The following AOX1 variants were observed in gnomAD, a reference collection of about 807,000 sequenced individuals.
The protein encoded by AOX1 is aldehyde oxidase 1.
Under a neutral mutation model 169.5 loss-of-function variants are expected in AOX1, and 153 were observed. The ratio of observed to expected loss-of-function variants is 0.90; its 90% confidence interval spans 0.79 to 1.03. The LOEUF (loss-of-function observed/expected upper bound fraction) is 1.03. Ranked by LOEUF, AOX1 falls within the 50% of genes least tolerant of loss-of-function variation. The pLI is 0.00. For synonymous variants in AOX1, 562 were observed against 581.9 expected, an observed-to-expected ratio of 0.97 and a Z score of 0.49; for missense variants, 1,656 against 1,663.9, an observed-to-expected ratio of 1.00 and a Z score of 0.08.
rs181411226 is a variant in AOX1 at position 200,643,324 on chromosome 2, T to C, written c.2847+523T>C. 7.9e-4 allele frequency among the ~76,000 whole-genome samples: 119 copies of C among 151,522 alleles called. 2 individuals carry two copies. Among genetic ancestry groups the C allele is most frequent in the Non-Finnish European group, 4.3e-4 (29 of 67,906 alleles). On this transcript the variant is annotated intron_variant, in intron 25 of 34. Transcript: ENST00000374700. ...GAATTGTGAGATTTTGGTGCACCCA[T>C]CACCCGATGGGTGTATGTATATACA...
chr2:200,665,268 A>G (rs2035904467), intron 31 of AOX1, among the ~76,000 whole-genome samples: 1 of 152,218 alleles, frequency 6.6e-6, no homozygotes, highest in Non-Finnish European at 1.5e-5. Flanking sequence ...CTGGTCAAAC[A>G]GGCTGGCCTG....
At chr2:200,662,045 G>T (rs1240679968) in intron 30 of AOX1, among the ~76,000 whole-genome samples, 1 of 152,186 alleles carries the variant, frequency 6.6e-6, no homozygotes, top group East Asian at 1.9e-4. Context: ...TGGCAAAAAA[G>T]AAATTGGACC....
intron 18 of AOX1, among the ~76,000 whole-genome samples, chr2:200,623,562 A>T (rs1451528047): frequency 6.6e-6 from 1 of 152,212 alleles, no homozygotes; most frequent in Non-Finnish European, 1.5e-5. Flanking sequence ...ACATCAAGCC[A>T]TGGGACAGGC....
At chr2:200,603,988 CAG>C (rs1364971016) in intron 7 of AOX1, 27 bp from the exon 8 acceptor site, 11 of 1,457,794 alleles carry the variant, frequency 7.5e-6, no homozygotes, top group Middle Eastern at 3.5e-4. Context: ...TGCTCGATAA[CAG>C]TAATTTCTGA....
chr2:200,651,887 C>A (rs962272009), intron 26 of AOX1, among the ~76,000 whole-genome samples: 1 of 152,144 alleles, frequency 6.6e-6, no homozygotes, highest in Non-Finnish European at 1.5e-5. Context: ...TGGTGAAGGA[C>A]TGCAACATTC....
intron 20 of AOX1, among the ~76,000 whole-genome samples, chr2:200,629,753 C>G (rs2035077019): frequency 6.6e-6 from 1 of 152,164 alleles, no homozygotes; most frequent in Admixed American, 6.5e-5. Flanking sequence ...TTCCTTGTTT[C>G]ATGTTTGTTT....
At chr2:200,681,463 C>T (rs548981042), downstream of AOX1, 3 of 152,676 alleles carry the variant, frequency 2.0e-5, no homozygotes, top group South Asian at 6.2e-4. Context: ...GAACTCTCCA[C>T]AGAGCAATTA....
intron 4 of AOX1, 44 bp from the exon 5 acceptor site, chr2:200,599,576 A>C: frequency 1.6e-5 from 25 of 1,526,578 alleles, no homozygotes; most frequent in African/African-American, 2.8e-5. Flanking sequence ...TAGGCCTGGG[A>C]TGGGGCCCCA....
At chr2:200,639,299 C>T (rs909660068) in intron 23 of AOX1, among the ~76,000 whole-genome samples, 1 of 152,128 alleles carries the variant, frequency 6.6e-6, no homozygotes, top group Non-Finnish European at 1.5e-5. Flanking sequence ...TGGAGTGTCA[C>T]CTGGTAGGTG....
At chr2:200,591,783 G>A (rs1433329253) in intron 1 of AOX1, among the ~76,000 whole-genome samples, 1 of 152,140 alleles carries the variant, frequency 6.6e-6, no homozygotes, top group African/African-American at 2.4e-5. Flanking sequence ...AGTCACTCTG[G>A]TCGTGGTGCA....
chr2:200,588,725 G>GTTTTTTTTTTTTTTTTT (rs1247445142), intron 1 of AOX1, among the ~76,000 whole-genome samples: 26 of 40,894 alleles, frequency 6.4e-4, no homozygotes, highest in Non-Finnish European at 1.3e-3. Flanking sequence ...ACTAGAATAA[G>GTTTTTTTTTTTTTTTTT]CTTTTTTTTT....
At chr2:200,615,546 T>C (rs999054358) in intron 15 of AOX1, among the ~76,000 whole-genome samples, 18 of 152,204 alleles carry the variant, frequency 1.2e-4, no homozygotes, top group African/African-American at 4.3e-4. Context: ...GCAGGCAACA[T>C]GGAACCTTTA....
intron 34 of AOX1, among the ~76,000 whole-genome samples, 200 bp downstream of exon 34, chr2:200,669,942 G>T (rs1452189867): frequency 6.6e-6 from 1 of 151,938 alleles, no homozygotes; most frequent in African/African-American, 2.4e-5. Context: ...TCATCAGCCT[G>T]CCCCTGCTTG....
chr2:200,618,873 G>T (rs2034822838), intron 16 of AOX1, among the ~76,000 whole-genome samples: 1 of 152,200 alleles, frequency 6.6e-6, no homozygotes, highest in Non-Finnish European at 1.5e-5. Flanking sequence ...GCATGAAAAG[G>T]AAATGTGTTA....
intron 27 of AOX1, among the ~76,000 whole-genome samples, chr2:200,657,190 A>ATATTTTTTTTT: frequency 1.4e-4 from 9 of 62,884 alleles, no homozygotes; most frequent in East Asian, 9.1e-4. Flanking sequence ...ATATATATAT[A>ATATTTTTTTTT]TTTTTTTTTT....
In AOX1 at chr2:200,623,731, AG is replaced by A. The variant is rs376411816; in HGVS notation, c.2002-126del. The A allele has an allele frequency of 1.8e-5, 25 of 1,364,370 alleles. 1 individual carries two copies. The African/African-American group carries it at 3.6e-4, about 20-fold the overall frequency. 84.5% of individuals were successfully genotyped at this position (1,364,370 alleles called of 1,614,324 possible). A position where few individuals can be genotyped will look rare whatever the true frequency, so the allele number is the denominator to read the frequency against. ...TGGTTATAGTCATGGACAGATGTGG[AG>A]GGGTCACACCTGTGTGTATCTAGCC... On this transcript the variant is annotated intron_variant, in intron 18 of 34. Coordinates refer to ENST00000374700, the MANE Select transcript of AOX1 (RefSeq NM_001159.4).
At chr2:200,618,641 C>T (rs1014675511) in intron 16 of AOX1, among the ~76,000 whole-genome samples, 5 of 152,178 alleles carry the variant, frequency 3.3e-5, no homozygotes, top group East Asian at 1.9e-4. Flanking sequence ...AATCTCTGAT[C>T]TCTATCTCCA....
Position 200,597,454 on chromosome 2 carries a change from C to T in AOX1, c.258C>T (p.Val86=). 1 of 1,612,740 alleles carries T rather than the reference C, an allele frequency of 6.2e-7. No homozygotes were observed. Among genetic ancestry groups the T allele is most frequent in the Non-Finnish European group, 8.5e-7 (1 of 1,179,404 alleles). The stretch of plus-strand genomic sequence containing the variant: ...TCTGTTCTCTGTATGGTGCTGCCGT[C>T]ACCACAGTAGAAGGCATAGGAAGCA... ...IPICSLYGAA[V]TTVEGIGSTH... The change falls in exon 4 of 35, where the codon GTC becomes GTT. Residue 86 remains valine, a synonymous_variant. Coordinates refer to ENST00000374700, the MANE Select transcript of AOX1 (RefSeq NM_001159.4).
intron 5 of AOX1, 66 bp downstream of exon 5, chr2:200,599,812 T>C: frequency 3.5e-3 from 3,204 of 923,578 alleles, no homozygotes; most frequent in Non-Finnish European, 4.2e-3. Context: ...TGAGACGGAA[T>C]CTCACTCTGT....
Sources: allele counts gnomAD v4.1 joint callset (sites outside exome capture counted in the v4.1 genomes callset), GRCh38; gene constraint gnomAD v4.1.1; transcripts MANE v1.5; gene names NCBI Gene and HGNC (gene_info 2026-07-23, HGNC 2026-07-21).